Variants in UTRN observed in about 807,000 individuals in gnomAD.
UTRN encodes the protein utrophin, also known as dystrophin-related protein 1.
A neutral mutation model predicts 463.9 loss-of-function variants in UTRN; 283 were observed. The ratio of observed to expected loss-of-function variants is 0.61; its 90% CI spans 0.55 to 0.67. The LOEUF (loss-of-function observed/expected upper bound fraction) is 0.67, where lower values mean the gene tolerates loss of function less well. Among genes scored for constraint, UTRN ranks in the 30% least tolerant of loss-of-function variants. UTRN has a pLI of 0.00. For synonymous variants in UTRN, 1,442 were observed against 1,431.5 expected (o/e 1.01, Z -0.17); for missense variants, 3,922 against 4,084.3 (o/e 0.96, Z 1.08).
intron 51 of UTRN, among the ~76,000 whole-genome samples, chr6:144,620,593 T>A (rs746894662): frequency 6.6e-5 from 10 of 152,108 alleles, no homozygotes; most frequent in Non-Finnish European, 1.0e-4. Flanking sequence ...TCTTACTACT[T>A]TTTTTCCATC....
chr6:144,580,963 TAGACTGAGGA>T (rs1371515443), intron 51 of UTRN, among the ~76,000 whole-genome samples: 1 of 152,056 alleles, frequency 6.6e-6, no homozygotes, highest in African/African-American at 2.4e-5. Context: ...ATAGTATACA[TAGACTGAGGA>T]AGGGGAAAGG....
intron 51 of UTRN, among the ~76,000 whole-genome samples, chr6:144,654,472 C>T (rs925799071): frequency 2.6e-5 from 4 of 152,176 alleles, no homozygotes; most frequent in African/African-American, 7.2e-5. Context: ...TGACTGAAAA[C>T]GGCGCTTTCA....
chr6:144,612,193 C>A (rs1252715189), intron 51 of UTRN, among the ~76,000 whole-genome samples: 1 of 151,928 alleles, frequency 6.6e-6, no homozygotes, highest in East Asian at 1.9e-4. Flanking sequence ...GAAAGTAGAC[C>A]CCTATCTTAC....
chr6:144,803,629 G>A (rs1586640220), intron 65 of UTRN, among the ~76,000 whole-genome samples: 2 of 151,592 alleles, frequency 1.3e-5, no homozygotes, highest in South Asian at 2.1e-4. Flanking sequence ...TTTTTCACTC[G>A]ACATTCCATT....
chr6:144,347,728 C>T (rs1777704822), intron 2 of UTRN, among the ~76,000 whole-genome samples: 1 of 151,652 alleles, frequency 6.6e-6, no homozygotes, highest in South Asian at 2.1e-4. Flanking sequence ...AGGTTGAGAA[C>T]TTTGGGAAAG....
At position 144,488,760 on chromosome 6, in the gene UTRN, G is replaced by C; in HGVS notation, c.4060G>C (p.Gly1354Arg). ...GCTTCAAGTCTTGCAAGAGAGCTTG[G>C]GGGAGCTGGACAAACAGCTCACCAC... ...QMLQVLQESL[G>R]ELDKQLTTYL... Residue 1354 changes from glycine (G) to arginine (R), a missense_variant, in exon 30 of 75, where the codon GGG becomes CGG. By Grantham distance (125) the Gly-to-Arg change is moderately radical. Around this residue, in one of 3 missense-constraint regions of UTRN, gnomAD observed 2,349 missense variants for 2,303.8 expected, o/e 1.02. Coordinates refer to ENST00000367545, the MANE Select transcript of UTRN (RefSeq NM_007124.3). 2 of 1,613,080 alleles carry C rather than the reference G, an allele frequency of 1.2e-6. No homozygotes were observed. Among genetic ancestry groups the C allele is most frequent in the Non-Finnish European group, 1.7e-6 (2 of 1,179,408 alleles).
intron 63 of UTRN, among the ~76,000 whole-genome samples, chr6:144,797,000 G>T (rs985773099): frequency 6.6e-6 from 1 of 152,100 alleles, no homozygotes; most frequent in Non-Finnish European, 1.5e-5. Context: ...AGGGATTGGG[G>T]AGTTTTATGT....
intron 51 of UTRN, among the ~76,000 whole-genome samples, chr6:144,673,425 T>C (rs1781255617): frequency 1.3e-5 from 2 of 152,190 alleles, no homozygotes. Context: ...TAGTTTTTGC[T>C]TTAAAGTCTG....
chr6:144,519,577 A>G (rs2128594693), intron 39 of UTRN, among the ~76,000 whole-genome samples: 1 of 152,244 alleles, frequency 6.6e-6, no homozygotes, highest in East Asian at 1.9e-4. Context: ...TCTCGGTCAG[A>G]TCTCGAGGAC....
chr6:144,680,992 G>T (rs1041946676), intron 52 of UTRN, among the ~76,000 whole-genome samples: 12 of 152,174 alleles, frequency 7.9e-5, no homozygotes, highest in African/African-American at 2.9e-4. Context: ...GGAGCCTTTT[G>T]AGTAACATGA....
At chr6:144,690,072 CTGTTTTTT>C (rs1231447413) in intron 52 of UTRN, among the ~76,000 whole-genome samples, 47 of 35,658 alleles carry the variant, frequency 1.3e-3, no homozygotes, top group African/African-American at 5.5e-3. Context: ...CCAAAAGTTT[CTGTTTTTT>C]TTTTTTTTTT....
chr6:144,759,068 A>T (rs1792338609), intron 58 of UTRN, among the ~76,000 whole-genome samples: 1 of 152,088 alleles, frequency 6.6e-6, no homozygotes, highest in African/African-American at 2.4e-5. Flanking sequence ...ACAGTCTGAG[A>T]TGTAAGCTCA....
At chr6:144,583,425 C>T (rs757976389) in intron 51 of UTRN, 4 of 640,874 alleles carry the variant, frequency 6.2e-6, no homozygotes, top group Admixed American at 2.4e-5. Flanking sequence ...GTCCAGTGAC[C>T]GGGAGGAAAT....
chr6:144,550,926 G>T (rs767235712), intron 47 of UTRN, 39 bp from the exon 48 acceptor site: 13 of 1,524,246 alleles, frequency 8.5e-6, no homozygotes, highest in South Asian at 1.3e-5. Context: ...TTCTCATATG[G>T]CTTATTAACC....
intron 54 of UTRN, among the ~76,000 whole-genome samples, chr6:144,747,834 A>G (rs1306194918): frequency 2.6e-5 from 4 of 152,210 alleles, no homozygotes; most frequent in African/African-American, 7.2e-5. Flanking sequence ...CTTATAATTT[A>G]TAGTCATTCT....
intron 23 of UTRN, among the ~76,000 whole-genome samples, chr6:144,466,563 A>G (rs763453461): frequency 5.3e-5 from 8 of 152,232 alleles, no homozygotes; most frequent in Non-Finnish European, 1.0e-4. Context: ...TTTACAAACT[A>G]CTATACCCCT....
chr6:144,739,821 A>G (rs1339082912), intron 54 of UTRN, among the ~76,000 whole-genome samples: 1 of 152,130 alleles, frequency 6.6e-6, no homozygotes, highest in African/African-American at 2.4e-5. Flanking sequence ...GCTCTGGTTG[A>G]CTTGGCCCGA....
At chr6:144,386,399 C>T (rs571254980) in intron 2 of UTRN, among the ~76,000 whole-genome samples, 1 of 152,220 alleles carries the variant, frequency 6.6e-6, no homozygotes, top group African/African-American at 2.4e-5. Flanking sequence ...TTGAAGGCTG[C>T]AGTGAGCCGT....
intron 2 of UTRN, among the ~76,000 whole-genome samples, chr6:144,379,009 G>A (rs73594960): frequency 0.17 from 25,415 of 152,176 alleles, 4,377 homozygotes; most frequent in African/African-American, 0.44. Context: ...GTGCTTTTCC[G>A]TAGTTGGGAA....
Sources: gnomAD v4.1 joint callset for allele counts (sites outside exome capture counted in the v4.1 genomes callset) on GRCh38, gnomAD v4.1.1 for gene constraint, gnomAD v4.1.1 regional missense constraint, MANE v1.5 for transcripts, NCBI Gene and HGNC (gene_info 2026-07-23, HGNC 2026-07-21) for gene names.